HMCN2: variants seen among roughly 807,000 people sequenced by gnomAD.
The protein encoded by HMCN2 is hemicentin 2.
A neutral mutation model predicts 377.5 loss-of-function variants in HMCN2; 325 were observed. That is an observed-to-expected ratio of 0.86 (90% CI 0.79 to 0.94). The LOEUF (loss-of-function observed/expected upper bound fraction) is 0.94, where lower values mean the gene tolerates loss of function less well. HMCN2 is among the 40% of genes least tolerant of loss of function. The pLI is 0.00. For missense variants in HMCN2, 4,543 were observed against 4,725.3 expected, an observed-to-expected ratio of 0.96 and a Z score of 1.13; for synonymous variants, 2,007 against 2,046.8, an observed-to-expected ratio of 0.98 and a Z score of 0.53.
intron 25 of HMCN2, among the ~76,000 whole-genome samples, 180 bp from the exon 26 acceptor site, chr9:130,346,986 T>C (rs1187987802): frequency 6.6e-6 from 1 of 151,748 alleles, no homozygotes; most frequent in East Asian, 1.9e-4. Context: ...AGGTGGCGGG[T>C]GTGGGGGCTC....
At chr9:130,365,780 C>G (rs2131581598) in intron 42 of HMCN2, 53 bp downstream of exon 42, 1 of 978,856 alleles carries the variant, frequency 1.0e-6, no homozygotes, top group East Asian at 1.1e-4. Context: ...TTGATTGCGT[C>G]CCAGGACACA....
chr9:130,429,325 T>G, intron 93 of HMCN2: 1 of 581,772 alleles, frequency 1.7e-6, no homozygotes, highest in Non-Finnish European at 3.0e-6. Context: ...CCCAGGACTC[T>G]GCCCACAAAG....
chr9:130,299,837 A>C (rs187552039), intron 8 of HMCN2, among the ~76,000 whole-genome samples: 2,057 of 140,704 alleles, frequency 0.015, 34 homozygotes, highest in African/African-American at 0.035. Flanking sequence ...CTATTCATCC[A>C]TCCACCCACC....
At chr9:130,281,183 A>G (rs1835100125) in intron 1 of HMCN2, among the ~76,000 whole-genome samples, 1 of 151,254 alleles carries the variant, frequency 6.6e-6, no homozygotes, top group African/African-American at 2.4e-5. Context: ...TTCTATGTCT[A>G]TTTCCCTGAG....
intron 49 of HMCN2, among the ~76,000 whole-genome samples, chr9:130,375,131 C>T: frequency 6.6e-6 from 1 of 152,306 alleles, no homozygotes; most frequent in East Asian, 1.9e-4. Context: ...TTCTAAAATG[C>T]TGGCAGTTAA....
At chr9:130,379,773 AG>A (rs1841600521) in intron 54 of HMCN2, among the ~76,000 whole-genome samples, 1 of 152,234 alleles carries the variant, frequency 6.6e-6, no homozygotes. Context: ...TCGTCAACAA[AG>A]CTCATGACCC....
Position 130,383,551 on chromosome 9 carries a change from C to T in HMCN2, c.8781C>T (p.Ala2927=), listed in dbSNP as rs575434456. 1.0e-4 allele frequency: 102 copies of T among 986,012 alleles called. No individual in the cohort carries two copies. Among genetic ancestry groups the T allele is most frequent in the East Asian group, 5.7e-4 (5 of 8,808 alleles). The allele number at this position is 986,012 out of a possible 1,614,324, so 61.1% of individuals were successfully genotyped here. A position where few individuals can be genotyped will look rare whatever the true frequency, so the allele number is the denominator to read the frequency against. ...ACGCCGCCAGCTACATGTGTGTGGC[C>T]GAGAACCAGGCGGGCTCCGCTGAGA... ...VADAASYMCV[A]ENQAGSAEKL... is the part of the protein sequence containing the mutation. Residue 2927 remains alanine, a synonymous_variant, in exon 57 of 98, where the codon GCC becomes GCT. Transcript: ENST00000683500.
chr9:130,341,527 G>T lies in HMCN2; in HGVS notation c.3742+162G>T, dbSNP rs926234438. 4.6e-3 allele frequency among the ~76,000 whole-genome samples: 704 copies of T among 152,330 alleles called. 11 individuals carry two copies. Among genetic ancestry groups the T allele is most frequent in the African/African-American group, 0.016 (666 of 41,578 alleles). ...CTTTCTGGGACCTTCCAGCCCCACA[G>T]CTTTGGGGCTATCCTGTGTCCAGGA... On this transcript the variant is annotated intron_variant, in intron 24 of 97. Coordinates refer to ENST00000683500, the MANE Select transcript of HMCN2 (RefSeq NM_001291815.2).
chr9:130,376,475 C>T (rs1841381887), intron 51 of HMCN2, 41 bp from the exon 52 acceptor site: 2 of 967,986 alleles, frequency 2.1e-6, no homozygotes, highest in African/African-American at 1.8e-5. Flanking sequence ...GTTTCAGCAC[C>T]CATCCCCCAG....
intron 54 of HMCN2, among the ~76,000 whole-genome samples, chr9:130,380,137 C>T (rs1433608627): frequency 2.0e-5 from 3 of 152,230 alleles, no homozygotes; most frequent in African/African-American, 7.2e-5. Flanking sequence ...GGATCGGCCT[C>T]CCAACATGCT....
chr9:130,317,033 T>C (rs1436469483), intron 15 of HMCN2, among the ~76,000 whole-genome samples: 1 of 150,894 alleles, frequency 6.6e-6, no homozygotes, highest in Non-Finnish European at 1.5e-5. Flanking sequence ...GTTGTCTGCG[T>C]GGGTCCAGGG....
At chr9:130,396,118 C>T (rs1842598028) in intron 72 of HMCN2, 51 bp from the exon 73 acceptor site, 1 of 1,244,534 alleles carries the variant, frequency 8.0e-7, no homozygotes, top group African/African-American at 1.5e-5. Flanking sequence ...ACCCTGCCCA[C>T]CCCCTTAGAG....
In HMCN2 at chr9:130,400,927, G is replaced by A. The variant is rs1490994859; in HGVS notation, c.11750G>A (p.Gly3917Asp). The part of the protein sequence containing the change: ...AGAQLGARGS[G>D]YRVSPSGALE... ...GCCCAGCTAGGAGCTCGGGGGAGTG[G>A]CTATCGTGTCTCACCATCGGGTAAG... The change falls in exon 77 of 98, where the codon GGC becomes GAC. Residue 3917 changes from glycine to aspartate, a missense_variant. Coordinates refer to ENST00000683500, the MANE Select transcript of HMCN2 (RefSeq NM_001291815.2). 83 of 1,288,354 alleles carry A rather than the reference G, an allele frequency of 6.4e-5. No individual in the cohort carries two copies. The highest frequency in any genetic ancestry group is 4.2e-4 in the Middle Eastern group (2 of 4,706). The allele number at this position is 1,288,354 out of a possible 1,614,324, so 79.8% of individuals were successfully genotyped here.
rs947049772 is a variant in HMCN2, at chr9:130,376,560, G to T, written c.7963G>T (p.Val2655Leu). 5.8e-5 allele frequency: 57 copies of T among 985,718 alleles called. 1 individual carries two copies. Among genetic ancestry groups the T allele is most frequent in the Non-Finnish European group, 4.8e-6 (4 of 829,966 alleles). 61.1% of individuals were successfully genotyped at this position (985,718 alleles called of 1,614,324 possible). A position where few individuals can be genotyped will look rare whatever the true frequency, so the allele number is the denominator to read the frequency against. The change falls in exon 52 of 98, where the codon GTG becomes TTG. Residue 2655 changes from valine (V) to leucine (L), a missense_variant. Around this residue, in one of 5 missense-constraint regions of HMCN2, gnomAD observed 736 missense variants for 773.2 expected, o/e 0.95. Transcript: ENST00000683500. Reference sequence around the variant, plus strand: ...AGACGACCCCTTGGCGGAGGTCGGCGTGAAGGAGGTGAAGACCAAGGTCAA... The same window carrying T: ...AGACGACCCCTTGGCGGAGGTCGGCTTGAAGGAGGTGAAGACCAAGGTCAA... Reference protein sequence around the residue: ...SKDDPLAEVGVKEVKTKVNST... With the variant: ...SKDDPLAEVGLKEVKTKVNST...
intron 44 of HMCN2, 31 bp downstream of exon 44, chr9:130,368,468 C>CT: frequency 1.0e-6 from 1 of 983,360 alleles, no homozygotes; most frequent in Non-Finnish European, 1.2e-6. Flanking sequence ...CTGGAAGGGT[C>CT]TGGGATCATG....
In HMCN2 at chr9:130,433,771, G is replaced by A. The variant is rs1844921695; in HGVS notation, c.*78G>A. Reference sequence around the variant, plus strand: ...AGGAGAAGCTTGGTCCACGCCACCTGCTGTGGCAAGCGGAGCGTCATCGTC... The same window carrying A: ...AGGAGAAGCTTGGTCCACGCCACCTACTGTGGCAAGCGGAGCGTCATCGTC... On this transcript the variant is annotated 3_prime_UTR_variant, in exon 98 of 98. Transcript: ENST00000683500. 1 of 1,163,478 alleles carries A rather than the reference G, an allele frequency of 8.6e-7. No homozygotes were observed. Among genetic ancestry groups the A allele is most frequent in the East Asian group, 3.2e-5 (1 of 31,476 alleles). 72.1% of individuals were successfully genotyped at this position (1,163,478 alleles called of 1,614,324 possible). A position where few individuals can be genotyped will look rare whatever the true frequency, so the allele number is the denominator to read the frequency against.
intron 1 of HMCN2, among the ~76,000 whole-genome samples, chr9:130,278,147 C>T (rs1259729217): frequency 4.6e-5 from 7 of 152,098 alleles, no homozygotes; most frequent in Non-Finnish European, 8.8e-5. Flanking sequence ...TTTTTTGAGA[C>T]GCAGTCTCGC....
At chr9:130,275,427 C>T (rs1343982078) in intron 1 of HMCN2, among the ~76,000 whole-genome samples, 1 of 152,124 alleles carries the variant, frequency 6.6e-6, no homozygotes, top group African/African-American at 2.4e-5. Flanking sequence ...TTTATTGTCA[C>T]CCTGAGTGAC....
At chr9:130,349,245 G>A in intron 28 of HMCN2, 114 bp downstream of exon 28, 1 of 1,115,428 alleles carries the variant, frequency 9.0e-7, no homozygotes, top group Non-Finnish European at 1.2e-6. Flanking sequence ...AGGGGGCACA[G>A]AGGGACCCAT....
Sources: gnomAD v4.1 joint callset for allele counts (sites outside exome capture counted in the v4.1 genomes callset) on GRCh38, gnomAD v4.1.1 for gene constraint, gnomAD v4.1.1 regional missense constraint, MANE v1.5 for transcripts, NCBI Gene and HGNC (gene_info 2026-07-23, HGNC 2026-07-21) for gene names.